ANKS1B: variants seen among roughly 807,000 people sequenced by gnomAD.
ANKS1B encodes ankyrin repeat and sterile alpha motif domain-containing protein 1B.
In ANKS1B, 36 loss-of-function variants were observed where a neutral mutation model predicts 148.3. The ratio of observed to expected loss-of-function variants is 0.24; its 90% CI spans 0.19 to 0.32. The LOEUF (loss-of-function observed/expected upper bound fraction) is 0.32, where lower values mean the gene tolerates loss of function less well. Ranked by LOEUF, ANKS1B falls within the 10% of genes least tolerant of loss-of-function variation. ANKS1B has a pLI of 1.00. For missense variants in ANKS1B, 1,157 were observed against 1,542.6 expected (o/e 0.75, Z 4.19); for synonymous variants, 542 against 560.8 (o/e 0.97, Z 0.47).
chr12:98,883,978 G>A (rs943368958), intron 17 of ANKS1B, among the ~76,000 whole-genome samples: 1 of 152,070 alleles, frequency 6.6e-6, no homozygotes, highest in Admixed American at 6.6e-5. Context: ...CATCTTCTAT[G>A]AGCCAAAGCT....
At chr12:99,737,939 T>C (rs2059765225) in intron 8 of ANKS1B, among the ~76,000 whole-genome samples, 1 of 152,152 alleles carries the variant, frequency 6.6e-6, no homozygotes, top group African/African-American at 2.4e-5. Flanking sequence ...TCCTAAGCCA[T>C]AGTCCCATAG....
intron 1 of ANKS1B, among the ~76,000 whole-genome samples, chr12:99,979,182 C>T (rs891754425): frequency 1.1e-4 from 17 of 151,842 alleles, no homozygotes; most frequent in Non-Finnish European, 2.1e-4. Flanking sequence ...AATTTTAGTG[C>T]TCTGATGAGC....
chr12:99,134,660 C>T (rs1255642151), intron 15 of ANKS1B, among the ~76,000 whole-genome samples: 11 of 98,602 alleles, frequency 1.1e-4, no homozygotes, highest in African/African-American at 4.5e-4. Context: ...CACACACACA[C>T]ACACACACAC....
At chr12:99,724,839 T>A (rs1041505276) in intron 8 of ANKS1B, among the ~76,000 whole-genome samples, 9 of 151,922 alleles carry the variant, frequency 5.9e-5, no homozygotes, top group Non-Finnish European at 8.8e-5. Context: ...CAGAAGAGAG[T>A]GAGGGCCAAT....
At chr12:99,050,626 T>C (rs1009690011) in intron 17 of ANKS1B, among the ~76,000 whole-genome samples, 2 of 152,154 alleles carry the variant, frequency 1.3e-5, no homozygotes, top group African/African-American at 2.4e-5. Context: ...CTCCCTGTAT[T>C]GAAGCCAGAA....
intron 14 of ANKS1B, among the ~76,000 whole-genome samples, chr12:99,163,774 C>A (rs941182465): frequency 2.0e-5 from 3 of 152,128 alleles, no homozygotes; most frequent in Non-Finnish European, 4.4e-5. Flanking sequence ...CCTCTGAAAT[C>A]CATACAAATT....
chr12:98,903,386 A>G (rs1438700844), intron 17 of ANKS1B, among the ~76,000 whole-genome samples: 1 of 152,112 alleles, frequency 6.6e-6, no homozygotes, highest in Non-Finnish European at 1.5e-5. Context: ...TCATGCAGCC[A>G]CAGTGGTTTG....
intron 12 of ANKS1B, among the ~76,000 whole-genome samples, chr12:99,319,249 A>G (rs1044698866): frequency 6.6e-6 from 1 of 152,132 alleles, no homozygotes; most frequent in Non-Finnish European, 1.5e-5. Flanking sequence ...TGTCTTGTTG[A>G]TCTGTCTAAT....
intron 12 of ANKS1B, among the ~76,000 whole-genome samples, chr12:99,268,172 A>C (rs1010808480): frequency 6.6e-6 from 1 of 152,182 alleles, no homozygotes; most frequent in East Asian, 1.9e-4. Context: ...AAAGCCATCT[A>C]TATCATTCTT....
intron 9 of ANKS1B, among the ~76,000 whole-genome samples, chr12:99,598,575 C>A (rs1242597864): frequency 1.3e-5 from 2 of 151,976 alleles, no homozygotes; most frequent in Admixed American, 1.3e-4. Context: ...CCACTTATAC[C>A]ACTACTATAA....
intron 1 of ANKS1B, among the ~76,000 whole-genome samples, chr12:99,952,669 G>A (rs1002660261): frequency 5.3e-5 from 8 of 152,156 alleles, no homozygotes; most frequent in Non-Finnish European, 1.2e-4. Context: ...GTTCTGCTCT[G>A]TGTTTTACTC....
intron 17 of ANKS1B, among the ~76,000 whole-genome samples, chr12:98,891,502 G>T (rs2099752583): frequency 6.6e-6 from 1 of 152,048 alleles, no homozygotes; most frequent in Admixed American, 6.6e-5. Flanking sequence ...TATAAGAAAG[G>T]TTAATTTTTG....
chr12:99,445,257 A>T lies in ANKS1B; in HGVS notation c.1439-1448T>A, dbSNP rs1311044283. Among the ~76,000 whole-genome samples, 7 of 152,122 alleles carry T rather than the reference A, an allele frequency of 4.6e-5. No homozygotes were observed. The East Asian group carries it at 1.4e-3, about 29-fold the overall frequency. ...TCCTTCTTTCATTCATCTAAAAACTACACATGTAAGAACACTTATTTGGGG... is the reference window on the plus strand; with the variant it reads ...TCCTTCTTTCATTCATCTAAAAACTTCACATGTAAGAACACTTATTTGGGG... On this transcript the variant is annotated intron_variant, in intron 10 of 26. Transcript: ENST00000683438.
At chr12:98,954,166 T>C (rs1250985138) in intron 17 of ANKS1B, among the ~76,000 whole-genome samples, 1 of 152,248 alleles carries the variant, frequency 6.6e-6, no homozygotes, top group Non-Finnish European at 1.5e-5. Flanking sequence ...CCCATTTAGA[T>C]ACTTAGATAA....
At chr12:99,683,713 G>A (rs971201665) in intron 8 of ANKS1B, among the ~76,000 whole-genome samples, 3 of 152,076 alleles carry the variant, frequency 2.0e-5, no homozygotes, top group Admixed American at 6.6e-5. Context: ...GAACATAGAT[G>A]CAAAAATCCT....
chr12:99,188,280 G>C (rs570041431), intron 14 of ANKS1B, among the ~76,000 whole-genome samples: 33 of 152,290 alleles, frequency 2.2e-4, no homozygotes, highest in African/African-American at 7.5e-4. Context: ...ATATTAGACA[G>C]ATCAATGAGA....
chr12:99,326,219 G>A (rs1468178648), intron 12 of ANKS1B, among the ~76,000 whole-genome samples: 1 of 151,980 alleles, frequency 6.6e-6, no homozygotes, highest in African/African-American at 2.4e-5. Flanking sequence ...ATATCAACCA[G>A]TCAAGAGCAA....
chr12:99,618,631 T>C (rs2098004207), intron 9 of ANKS1B, among the ~76,000 whole-genome samples: 1 of 152,006 alleles, frequency 6.6e-6, no homozygotes, highest in African/African-American at 2.4e-5. Context: ...ATCTTTCCAC[T>C]GAGGATTGGA....
intron 11 of ANKS1B, among the ~76,000 whole-genome samples, chr12:99,428,727 T>C (rs963766921): frequency 6.6e-6 from 1 of 152,100 alleles, no homozygotes; most frequent in Admixed American, 6.5e-5. Context: ...CTGAGAACAG[T>C]GACATCCCAG....
Sources: gnomAD v4.1 joint callset for allele counts (sites outside exome capture counted in the v4.1 genomes callset) on GRCh38, gnomAD v4.1.1 for gene constraint, MANE v1.5 for transcripts, NCBI Gene and HGNC (gene_info 2026-07-23, HGNC 2026-07-21) for gene names.